Variants in ULK2 observed in about 807,000 individuals in gnomAD.
The protein encoded by ULK2 is unc-51 like autophagy activating kinase 2.
In ULK2, 76 loss-of-function variants were observed where a neutral mutation model predicts 127.5. That is an observed-to-expected ratio of 0.60 (90% confidence interval 0.50 to 0.72). The LOEUF (loss-of-function observed/expected upper bound fraction) is 0.72, where lower values mean the gene tolerates loss of function less well. Among genes scored for constraint, ULK2 ranks in the 30% least tolerant of loss-of-function variants. The probability of loss-of-function intolerance (pLI) is 0.00; values close to 1 mark genes in which losing one functional copy is unlikely to be tolerated. For missense variants in ULK2, 1,144 were observed against 1,295.9 expected (o/e 0.88, Z 1.80); for synonymous variants, 452 against 461.9 (o/e 0.98, Z 0.28).
intron 23 of ULK2, among the ~76,000 whole-genome samples, 181 bp downstream of exon 23, chr17:19,781,708 C>T (rs983896368): frequency 2.6e-5 from 4 of 152,212 alleles, no homozygotes; most frequent in African/African-American, 4.8e-5. Context: ...AAAGGCAACA[C>T]TGAGGTTGCA....
rs185922525 is a variant in ULK2, at chr17:19,831,557, C to T, written c.788-5371G>A. 2.3e-4 allele frequency among the ~76,000 whole-genome samples: 35 copies of T among 152,294 alleles called. No individual in the cohort carries two copies. The East Asian group carries it at 6.4e-3, about 28-fold the overall frequency. ...AGAAGAAATAAGGCCAGGTGCCGTG[C>T]CCCACGCCTATAATCCCAACACTTT... On this transcript the variant is annotated intron_variant, in intron 10 of 26. Transcript: ENST00000395544.
At chr17:19,777,355 T>C (rs1396997300) in intron 26 of ULK2, among the ~76,000 whole-genome samples, 1 of 152,212 alleles carries the variant, frequency 6.6e-6, no homozygotes. Flanking sequence ...TCCGCCCACC[T>C]TGGCCTCCCA....
intron 3 of ULK2, among the ~76,000 whole-genome samples, chr17:19,854,039 C>T (rs1199030209): frequency 6.6e-6 from 1 of 151,982 alleles, no homozygotes; most frequent in East Asian, 1.9e-4. Flanking sequence ...TGGCTCACAC[C>T]TGTAATCCCT....
At chr17:19,829,603 TGAG>T (rs886648089) in intron 10 of ULK2, among the ~76,000 whole-genome samples, 15 of 136,106 alleles carry the variant, frequency 1.1e-4, no homozygotes, top group Non-Finnish European at 2.1e-4. Flanking sequence ...TTTAGGAGGC[TGAG>T]GAGGGTGGAT....
chr17:19,821,016 G>C (rs757772302), intron 12 of ULK2, among the ~76,000 whole-genome samples: 2 of 152,034 alleles, frequency 1.3e-5, no homozygotes, highest in South Asian at 2.1e-4. Context: ...GTTATAAAAC[G>C]AATAAATAGG....
chr17:19,836,131 C>T (rs557642225), intron 10 of ULK2, among the ~76,000 whole-genome samples: 1 of 151,388 alleles, frequency 6.6e-6, no homozygotes, highest in African/African-American at 2.4e-5. Context: ...AAAAATTAGG[C>T]CGGGCATGGT....
intron 3 of ULK2, among the ~76,000 whole-genome samples, chr17:19,861,679 C>A (rs186810119): frequency 8.7e-4 from 132 of 152,336 alleles, no homozygotes; most frequent in Non-Finnish European, 1.5e-3. Flanking sequence ...GTACTAGGCA[C>A]TGAGTTGTAC....
At chr17:19,807,333 C>G (rs1388658614) in intron 14 of ULK2, among the ~76,000 whole-genome samples, 1 of 152,120 alleles carries the variant, frequency 6.6e-6, no homozygotes, top group African/African-American at 2.4e-5. Context: ...TAAAGGGAAG[C>G]AATCAGAAGG....
rs187392348 is a variant in ULK2 at position 19,845,621 on chromosome 17, G to T, written c.470-244C>A. Among the ~76,000 whole-genome samples the T allele has an allele frequency of 3.3e-5, 5 of 152,234 alleles. No homozygotes were observed. The East Asian group carries it at 9.7e-4, about 29-fold the overall frequency. The stretch of plus-strand genomic sequence containing the variant: ...TTGTAACCAAGGTGTACGAAACTTT[G>T]CAAGTGAAAATGCTAATTATAATAA... On this transcript the variant is annotated intron_variant, in intron 6 of 26. Transcript: ENST00000395544.
In ULK2 at chr17:19,801,878, A is replaced by ATTC; in HGVS notation, c.1339_1340insGAA (p.Leu447delinsArgIle). On this transcript the variant is annotated protein_altering_variant, in exon 16 of 27. Coordinates refer to ENST00000395544, the MANE Select transcript of ULK2 (RefSeq NM_014683.4). ...TACTGGGGAGCATGATCCCGGCCGG[A>ATTC]GGAAGCCCATGGGGCTGGTGTTGGA... 4 of 1,614,018 alleles carry ATTC rather than the reference A, an allele frequency of 2.5e-6. No homozygotes were observed. Among genetic ancestry groups the ATTC allele is most frequent in the Non-Finnish European group, 3.4e-6 (4 of 1,179,986 alleles).
chr17:19,811,099 A>C (rs912160544), intron 13 of ULK2: 9 of 152,214 alleles, frequency 5.9e-5, no homozygotes, highest in African/African-American at 1.2e-4. Context: ...CAAAAAAAAA[A>C]CATAATAATG....
chr17:19,784,094 T>C (rs1381901054), intron 21 of ULK2, 189 bp from the exon 22 acceptor site: 2 of 429,734 alleles, frequency 4.7e-6, no homozygotes, highest in Non-Finnish European at 7.8e-6. Flanking sequence ...TGTTATTCCT[T>C]GTCTATATAT....
At chr17:19,828,064 C>T (rs1340485474) in intron 10 of ULK2, among the ~76,000 whole-genome samples, 1 of 152,142 alleles carries the variant, frequency 6.6e-6, no homozygotes, top group Admixed American at 6.6e-5. Flanking sequence ...AGAATATCAG[C>T]CAATTTCCCA....
At position 19,818,427 on chromosome 17, in the gene ULK2, T is replaced by C. The variant is rs146851191; in HGVS notation, c.925-1507A>G. Among the ~76,000 whole-genome samples the C allele has an allele frequency of 2.1e-3, 324 of 152,218 alleles. 1 individual carries two copies. Among genetic ancestry groups the C allele is most frequent in the African/African-American group, 7.5e-3 (312 of 41,534 alleles). On this transcript the variant is annotated intron_variant, in intron 12 of 26. Transcript: ENST00000395544. ...TGCCCTAGATCACACAATTAAAAAGTAGTCAAGCTGAGATGTGATTCTAAC... is the reference window on the plus strand; with the variant it reads ...TGCCCTAGATCACACAATTAAAAAGCAGTCAAGCTGAGATGTGATTCTAAC...
At chr17:19,804,341 A>G (rs1175985944) in intron 15 of ULK2, among the ~76,000 whole-genome samples, 1 of 152,202 alleles carries the variant, frequency 6.6e-6, no homozygotes, top group Non-Finnish European at 1.5e-5. Flanking sequence ...TGGGGGAAAA[A>G]GTAAACAATA....
chr17:19,818,917 C>T (rs2041066949), intron 12 of ULK2, among the ~76,000 whole-genome samples: 1 of 149,730 alleles, frequency 6.7e-6, no homozygotes, highest in Admixed American at 6.7e-5. Context: ...TCTCCTGCCT[C>T]AGCCTCTCGA....
intron 10 of ULK2, among the ~76,000 whole-genome samples, chr17:19,828,981 T>A (rs1005975374): frequency 6.6e-6 from 1 of 152,026 alleles, no homozygotes; most frequent in Non-Finnish European, 1.5e-5. Context: ...AGTGAGAGGA[T>A]CGCCTGAACT....
rs769131062 is a variant in ULK2 at position 19,801,865 on chromosome 17, T to A, written c.1353A>T (p.Ser451=). 6.2e-7 allele frequency: 1 copy of A among 1,614,188 alleles called. No homozygotes were observed. Among genetic ancestry groups the A allele is most frequent in the Non-Finnish European group, 8.5e-7 (1 of 1,180,030 alleles). Residue 451 remains serine (S), a synonymous_variant, in exon 16 of 27, where the codon TCA becomes TCT. Transcript: ENST00000395544. ...CTGTGTCTGCTGGTACTGGGGAGCA[T>A]GATCCCGGCCGGAGGAAGCCCATGG... ...TSPMGFLRPG[S]CSPVPADTAQ...
At chr17:19,800,125 T>C (rs1320821446) in intron 16 of ULK2, among the ~76,000 whole-genome samples, 1 of 152,198 alleles carries the variant, frequency 6.6e-6, no homozygotes, top group African/African-American at 2.4e-5. Flanking sequence ...TCTGAGACTC[T>C]TCCTGGCCAG....
Sources: gnomAD v4.1 joint callset for allele counts (sites outside exome capture counted in the v4.1 genomes callset) on GRCh38, gnomAD v4.1.1 for gene constraint, MANE v1.5 for transcripts, NCBI Gene and HGNC (gene_info 2026-07-23, HGNC 2026-07-21) for gene names.